The following NLGN1 variants were observed in gnomAD, a reference collection of about 807,000 sequenced individuals.
NLGN1 encodes the protein neuroligin 1.
Under a neutral mutation model 65.5 loss-of-function variants are expected in NLGN1, and 12 were observed. The ratio of observed to expected loss-of-function variants is 0.18; its 90% CI spans 0.12 to 0.30. NLGN1 has a LOEUF of 0.30. Among genes scored for constraint, NLGN1 ranks in the 10% least tolerant of loss-of-function variants. NLGN1 has a pLI of 1.00. For missense variants in NLGN1, 750 were observed against 1,007.1 expected, an observed-to-expected ratio of 0.74 and a Z score of 3.46; for synonymous variants, 350 against 359.5, an observed-to-expected ratio of 0.97 and a Z score of 0.30.
At chr3:173,498,246 T>A (rs1730370477) in intron 2 of NLGN1, among the ~76,000 whole-genome samples, 1 of 149,398 alleles carries the variant, frequency 6.7e-6, no homozygotes. Context: ...GATGTTCCCC[T>A]TCCTGTGTCC....
chr3:173,416,189 G>C (rs1713757907), intron 1 of NLGN1, among the ~76,000 whole-genome samples: 1 of 152,146 alleles, frequency 6.6e-6, no homozygotes, highest in African/African-American at 2.4e-5. Context: ...CACCACCAAA[G>C]GAGTGAGCAT....
intron 3 of NLGN1, chr3:173,695,420 G>A (rs552646910): frequency 6.1e-6 from 1 of 163,362 alleles, no homozygotes; most frequent in South Asian, 1.5e-4. Context: ...TCTCCTCAAA[G>A]AATAGTGCAT....
chr3:174,104,748 G>T (rs1713342997), intron 4 of NLGN1, among the ~76,000 whole-genome samples: 2 of 152,138 alleles, frequency 1.3e-5, no homozygotes, highest in Non-Finnish European at 2.9e-5. Context: ...AAGTGGGGAA[G>T]AAGTGGAGAG....
chr3:174,293,593 A>G, the NLGN1 span, among the ~76,000 whole-genome samples: 2 of 151,604 alleles, frequency 1.3e-5, no homozygotes, highest in African/African-American at 2.4e-5. Flanking sequence ...AAGAAATTGG[A>G]TAATATTTTT....
At chr3:173,597,685 G>T in intron 2 of NLGN1, among the ~76,000 whole-genome samples, 1 of 69,082 alleles carries the variant, frequency 1.4e-5, no homozygotes, top group South Asian at 4.1e-4. Context: ...AATTTATGTA[G>T]GAATATACAT....
intron 2 of NLGN1, among the ~76,000 whole-genome samples, chr3:173,565,390 A>G (rs1743468975): frequency 6.6e-6 from 1 of 152,204 alleles, no homozygotes; most frequent in African/African-American, 2.4e-5. Context: ...GGGATTTGGA[A>G]GTTGAGCAGC....
chr3:173,924,866 T>C (rs1409130977), intron 4 of NLGN1, among the ~76,000 whole-genome samples: 3 of 152,126 alleles, frequency 2.0e-5, no homozygotes, highest in Non-Finnish European at 2.9e-5. Context: ...TAAGATGGCA[T>C]GATTATTTTG....
chr3:173,423,155 C>G (rs1423656838), intron 1 of NLGN1, among the ~76,000 whole-genome samples: 1 of 152,152 alleles, frequency 6.6e-6, no homozygotes, highest in African/African-American at 2.4e-5. Context: ...AACTCTCTCA[C>G]TATCACAAGA....
At chr3:174,084,657 T>G (rs975019984) in intron 4 of NLGN1, among the ~76,000 whole-genome samples, 23 of 151,962 alleles carry the variant, frequency 1.5e-4, no homozygotes, top group African/African-American at 5.6e-4. Context: ...AATGATAGAG[T>G]GATATCAACC....
chr3:174,103,243 A>G (rs1176015631), intron 4 of NLGN1, among the ~76,000 whole-genome samples: 1 of 152,242 alleles, frequency 6.6e-6, no homozygotes, highest in Non-Finnish European at 1.5e-5. Context: ...GATTAAACAT[A>G]AAACCAATTA....
chr3:173,989,277 T>C (rs562978456), intron 4 of NLGN1, among the ~76,000 whole-genome samples: 114 of 152,252 alleles, frequency 7.5e-4, no homozygotes, highest in Non-Finnish European at 1.5e-3. Flanking sequence ...ACAATCTAAG[T>C]CAGTTTTTTA....
At chr3:173,562,709 G>A (rs915781070) in intron 2 of NLGN1, among the ~76,000 whole-genome samples, 8 of 151,956 alleles carry the variant, frequency 5.3e-5, no homozygotes, top group African/African-American at 1.9e-4. Flanking sequence ...TCCTCATCTC[G>A]ACATTTAAGA....
At chr3:173,501,296 C>T (rs114312183) in intron 2 of NLGN1, among the ~76,000 whole-genome samples, 2,023 of 152,084 alleles carry the variant, frequency 0.013, 52 homozygotes, top group African/African-American at 0.046. Context: ...TGTTGTTCCC[C>T]TCCATGTGTC....
At chr3:173,946,568 G>T (rs114733716) in intron 4 of NLGN1, among the ~76,000 whole-genome samples, 2,335 of 152,082 alleles carry the variant, frequency 0.015, 52 homozygotes, top group African/African-American at 0.053. Flanking sequence ...ATCTCTGTGC[G>T]GTTCACCTCA....
chr3:173,558,498 T>A (rs1742100469), intron 2 of NLGN1, among the ~76,000 whole-genome samples: 1 of 152,148 alleles, frequency 6.6e-6, no homozygotes, highest in Non-Finnish European at 1.5e-5. Flanking sequence ...ACTCTTTCAT[T>A]TTTTAGCAAT....
At chr3:173,524,447 A>T (rs1478042334) in intron 2 of NLGN1, among the ~76,000 whole-genome samples, 1 of 152,192 alleles carries the variant, frequency 6.6e-6, no homozygotes, top group East Asian at 1.9e-4. Context: ...TCATTTATCA[A>T]GTCTAGGAGT....
At chr3:174,152,142 TTAAC>T (rs1321226308) in intron 4 of NLGN1, among the ~76,000 whole-genome samples, 1 of 136,928 alleles carries the variant, frequency 7.3e-6, no homozygotes, top group Admixed American at 7.1e-5. Context: ...ATAAAAATCA[TTAAC>T]TAAAACTTTA....
intron 4 of NLGN1, among the ~76,000 whole-genome samples, chr3:174,035,449 T>C (rs935218752): frequency 1.3e-5 from 2 of 152,208 alleles, no homozygotes; most frequent in African/African-American, 2.4e-5. Flanking sequence ...CCTGTTGTCA[T>C]GTGTGGTCTG....
At chr3:174,260,486 T>C (rs1171579126) in intron 4 of NLGN1, among the ~76,000 whole-genome samples, 3 of 151,946 alleles carry the variant, frequency 2.0e-5, no homozygotes, top group Non-Finnish European at 4.4e-5. Flanking sequence ...ATGTCTTCTT[T>C]TGAGAAGTGT....
Sources: gnomAD v4.1 joint callset for allele counts (sites outside exome capture counted in the v4.1 genomes callset) on GRCh38, gnomAD v4.1.1 for gene constraint, MANE v1.5 for transcripts, NCBI Gene and HGNC (gene_info 2026-07-23, HGNC 2026-07-21) for gene names.